The following GAS7 variants were observed in gnomAD, a reference collection of about 807,000 sequenced individuals.
GAS7 encodes the protein growth arrest specific 7, also known as growth arrest-specific protein 7.
In GAS7, 28 loss-of-function variants were observed where a neutral mutation model predicts 71.1. The observed-to-expected ratio is 0.39, with a 90% confidence interval of 0.29 to 0.54. The LOEUF (loss-of-function observed/expected upper bound fraction) is 0.54, where lower values mean the gene tolerates loss of function less well. GAS7 is among the 20% of genes least tolerant of loss of function. The pLI, the probability that GAS7 is intolerant of heterozygous loss-of-function variation, is 0.62. For missense variants in GAS7, 436 were observed against 627.8 expected, an observed-to-expected ratio of 0.69 and a Z score of 3.27; for synonymous variants, 258 against 245.8, an observed-to-expected ratio of 1.05 and a Z score of -0.46.
Position 9,925,529 on chromosome 17 carries a change from C to G in GAS7, c.1085G>C (p.Ser362Thr). The change falls in exon 11 of 14, where the codon AGC (serine) becomes ACC (threonine). Residue 362 changes from serine to threonine, a missense_variant. By Grantham distance (58) the Ser-to-Thr change is moderately conservative. Transcript: ENST00000432992. ...CTTGATGTCCTCCTCTGTCTTGTTG[C>G]TCAGCTTGATCTCCAGCTGCTGGGT... is the stretch of plus-strand genomic sequence containing the variant. ...MKTQQLEIKL[S>T]NKTEEDIKKA... 1 of 1,614,102 alleles carries G rather than the reference C, an allele frequency of 6.2e-7. No homozygotes were observed. Among genetic ancestry groups the G allele is most frequent in the Non-Finnish European group, 8.5e-7 (1 of 1,179,948 alleles).
chr17:9,928,951 C>T (rs916196400), intron 9 of GAS7, among the ~76,000 whole-genome samples: 1 of 152,206 alleles, frequency 6.6e-6, no homozygotes, highest in Non-Finnish European at 1.5e-5. Context: ...GCCATCCAAA[C>T]ACCCCTCTCT....
At chr17:10,155,101 G>A (rs1459906997) in intron 1 of GAS7, among the ~76,000 whole-genome samples, 1 of 151,028 alleles carries the variant, frequency 6.6e-6, no homozygotes, top group Non-Finnish European at 1.5e-5. Flanking sequence ...TGCGACCTCC[G>A]CCTCCCGGGT....
At chr17:9,949,042 T>C (rs915767476) in intron 5 of GAS7, among the ~76,000 whole-genome samples, 1 of 152,032 alleles carries the variant, frequency 6.6e-6, no homozygotes, top group Non-Finnish European at 1.5e-5. Flanking sequence ...GCCAGTGAGG[T>C]ACCCAGGCGT....
chr17:10,163,455 A>T (rs1215050822), intron 1 of GAS7, among the ~76,000 whole-genome samples: 1 of 152,030 alleles, frequency 6.6e-6, no homozygotes, highest in African/African-American at 2.4e-5. Context: ...AAAAAAAAAA[A>T]GAAAGGGAAA....
intron 1 of GAS7, chr17:10,061,272 C>CAG (rs2073216880): frequency 6.6e-6 from 1 of 152,258 alleles, no homozygotes; most frequent in Non-Finnish European, 1.5e-5. Flanking sequence ...CGAAGCCACA[C>CAG]AGAGATGACG....
chr17:10,060,022 A>T (rs1479595851), intron 1 of GAS7, among the ~76,000 whole-genome samples: 1 of 152,108 alleles, frequency 6.6e-6, no homozygotes, highest in East Asian at 1.9e-4. Context: ...CCACCTCCCC[A>T]TTAGGTCACC....
chr17:10,056,667 C>A (rs773385307), intron 1 of GAS7, among the ~76,000 whole-genome samples: 3 of 152,082 alleles, frequency 2.0e-5, no homozygotes, highest in African/African-American at 7.2e-5. Context: ...GTCAGGAGAT[C>A]GAGACCATCC....
At chr17:9,931,386 G>C (rs2068203736) in intron 9 of GAS7, among the ~76,000 whole-genome samples, 1 of 152,172 alleles carries the variant, frequency 6.6e-6, no homozygotes, top group Non-Finnish European at 1.5e-5. Flanking sequence ...CAGGGGTCCT[G>C]CTGATGGGGA....
At chr17:9,945,559 T>G (rs1484184507) in intron 6 of GAS7, among the ~76,000 whole-genome samples, 1 of 152,100 alleles carries the variant, frequency 6.6e-6, no homozygotes, top group Non-Finnish European at 1.5e-5. Context: ...CTACAGAAAT[T>G]GTGCCTTGGT....
intron 1 of GAS7, among the ~76,000 whole-genome samples, chr17:10,077,846 C>G (rs1408686698): frequency 6.6e-6 from 1 of 152,024 alleles, no homozygotes. Flanking sequence ...GACATGAGAT[C>G]TAAGAAATGA....
chr17:9,935,150 G>A (rs902150781), intron 8 of GAS7, among the ~76,000 whole-genome samples: 4 of 152,236 alleles, frequency 2.6e-5, no homozygotes, highest in Admixed American at 6.5e-5. Context: ...TGTGGGTCTA[G>A]TGACCTAGAT....
chr17:10,197,694 G>A (rs898638088), intron 1 of GAS7, among the ~76,000 whole-genome samples: 4 of 151,778 alleles, frequency 2.6e-5, no homozygotes, highest in Non-Finnish European at 4.4e-5. Context: ...CAGCAGGCTC[G>A]GCTGACCAGC....
intron 1 of GAS7, among the ~76,000 whole-genome samples, chr17:10,105,519 T>C (rs1345850577): frequency 6.6e-6 from 1 of 152,174 alleles, no homozygotes; most frequent in Non-Finnish European, 1.5e-5. Flanking sequence ...GTTCTAGCAT[T>C]CCCAGGATGA....
chr17:10,058,567 C>G (rs2073180077), intron 1 of GAS7, among the ~76,000 whole-genome samples: 1 of 152,234 alleles, frequency 6.6e-6, no homozygotes, highest in Admixed American at 6.5e-5. Context: ...GAGGAGCCGT[C>G]TGAAGAACTC....
At chr17:10,129,263 A>G (rs10852919) in intron 1 of GAS7, among the ~76,000 whole-genome samples, 146,295 of 152,320 alleles carry the variant, frequency 0.96, 70,268 homozygotes, top group South Asian at 0.99. Flanking sequence ...GCCAGGCACC[A>G]TGGCTTATGC....
chr17:10,110,966 T>C (rs2073805990), intron 1 of GAS7, among the ~76,000 whole-genome samples: 1 of 152,140 alleles, frequency 6.6e-6, no homozygotes, highest in Non-Finnish European at 1.5e-5. Flanking sequence ...AAATATCACA[T>C]CTACCCCATA....
At chr17:10,018,863 T>C (rs1337799324) in intron 2 of GAS7, among the ~76,000 whole-genome samples, 1 of 152,138 alleles carries the variant, frequency 6.6e-6, no homozygotes. Flanking sequence ...TGGGTACGAT[T>C]TTCATCTTTT....
intron 2 of GAS7, among the ~76,000 whole-genome samples, chr17:9,995,783 T>C (rs997682752): frequency 4.6e-5 from 7 of 152,130 alleles, no homozygotes; most frequent in Admixed American, 1.3e-4. Context: ...TGTGCAATAA[T>C]GTAAGTATGA....
chr17:10,117,963 C>G (rs1292733416), intron 1 of GAS7, among the ~76,000 whole-genome samples: 3 of 152,170 alleles, frequency 2.0e-5, no homozygotes, highest in Non-Finnish European at 2.9e-5. Flanking sequence ...TAGCCATTTA[C>G]TGAGCTGTGA....
Sources: allele counts gnomAD v4.1 joint callset (sites outside exome capture counted in the v4.1 genomes callset), GRCh38; gene constraint gnomAD v4.1.1; transcripts MANE v1.5; gene names NCBI Gene and HGNC (gene_info 2026-07-23, HGNC 2026-07-21).